EPS8: variants seen among roughly 807,000 people sequenced by gnomAD.
The protein encoded by EPS8 is epidermal growth factor receptor kinase substrate 8.
In EPS8, 42 loss-of-function variants were observed where a neutral mutation model predicts 103.8. That is an observed-to-expected ratio of 0.40 (90% CI 0.32 to 0.52). EPS8 has a LOEUF of 0.52. EPS8 is among the 20% of genes least tolerant of loss of function. The pLI is 0.40. For synonymous variants in EPS8, 344 were observed against 344.6 expected (o/e 1.00, Z 0.02); for missense variants, 969 against 1,005.1 (o/e 0.96, Z 0.49).
intron 1 of EPS8, among the ~76,000 whole-genome samples, chr12:15,750,625 T>A (rs1270609930): frequency 6.6e-6 from 1 of 152,214 alleles, no homozygotes; most frequent in African/African-American, 2.4e-5. Flanking sequence ...AGTGAACAAC[T>A]GCTCAACACC....
At chr12:15,630,498 G>A (rs999546869) in intron 18 of EPS8, among the ~76,000 whole-genome samples, 1 of 152,096 alleles carries the variant, frequency 6.6e-6, no homozygotes, top group Admixed American at 6.6e-5. Flanking sequence ...TGGTCATAGT[G>A]TCTTTTTAGT....
At chr12:15,768,298 C>G (rs1038633426) in intron 1 of EPS8, among the ~76,000 whole-genome samples, 2 of 151,338 alleles carry the variant, frequency 1.3e-5, no homozygotes, top group African/African-American at 4.9e-5. Context: ...ATTAGCCGGG[C>G]GTGGTGGCGG....
chr12:15,701,466 A>G lies in EPS8; in HGVS notation c.-21-18494T>C, dbSNP rs1946310535. On this transcript the variant is annotated intron_variant, in intron 1 of 20. Coordinates refer to ENST00000281172, the MANE Select transcript of EPS8 (RefSeq NM_004447.6). The surrounding 1 kb of genome is among the most constrained non-coding windows in gnomAD (Gnocchi z 5.1). ...TCCCCCTTTAGAATACTTGATAGTA[A>G]CTTAAACACACTTAAGCATACACAC... Among the ~76,000 whole-genome samples, 1 of 152,184 alleles carries G rather than the reference A, an allele frequency of 6.6e-6. No individual in the cohort carries two copies.
chr12:15,782,319 C>A lies in EPS8; in HGVS notation c.-22+6842G>T, dbSNP rs535489955. Among the ~76,000 whole-genome samples the A allele has an allele frequency of 3.6e-3, 554 of 152,046 alleles. 4 individuals carry two copies. The highest frequency in any genetic ancestry group is 6.7e-3 in the Non-Finnish European group (456 of 67,976). ...ACCATCCTGGACAACACAGAGAGATCCTGTCTCTGCAAAAAATAAAAATAA... is the reference window on the plus strand; with the variant it reads ...ACCATCCTGGACAACACAGAGAGATACTGTCTCTGCAAAAAATAAAAATAA... On this transcript the variant is annotated intron_variant, in intron 1 of 20. Transcript: ENST00000281172.
chr12:15,748,034 A>G lies in EPS8; in HGVS notation c.-22+41127T>C, dbSNP rs1006311112. 6.6e-6 allele frequency among the ~76,000 whole-genome samples: 1 copy of G among 151,912 alleles called. No homozygotes were observed. The highest frequency in any genetic ancestry group is 1.5e-5 in the Non-Finnish European group (1 of 68,028). On this transcript the variant is annotated intron_variant, in intron 1 of 20. Transcript: ENST00000281172. The surrounding 1 kb of genome is among the most constrained non-coding windows in gnomAD (Gnocchi z 4.8). ...GACTCCATCTCAAAATCAAAAACAA[A>G]AACAAAACAAAAAAAAGTAATGCCT...
intron 1 of EPS8, among the ~76,000 whole-genome samples, chr12:15,729,701 T>C (rs896558546): frequency 2.6e-5 from 4 of 152,224 alleles, no homozygotes; most frequent in African/African-American, 4.8e-5. Flanking sequence ...TTTAGAAGTG[T>C]GTTGTGTTAT....
intron 1 of EPS8, among the ~76,000 whole-genome samples, chr12:15,750,807 C>A (rs1001399035): frequency 1.3e-5 from 2 of 152,154 alleles, no homozygotes; most frequent in African/African-American, 4.8e-5. Flanking sequence ...TTTTTAAAGA[C>A]CATGTTTTAG....
chr12:15,737,800 A>C (rs895736690), intron 1 of EPS8, among the ~76,000 whole-genome samples: 1 of 152,122 alleles, frequency 6.6e-6, no homozygotes. Context: ...AAATATTATT[A>C]AATCTGTTTC....
intron 1 of EPS8, among the ~76,000 whole-genome samples, chr12:15,720,268 A>C (rs1288068680): frequency 6.6e-6 from 1 of 152,210 alleles, no homozygotes; most frequent in African/African-American, 2.4e-5. Flanking sequence ...AGTAATTCAA[A>C]TATTTCCCCC....
intron 17 of EPS8, chr12:15,634,699 T>G (rs529142149): frequency 2.5e-6 from 1 of 398,752 alleles, no homozygotes; most frequent in South Asian, 1.3e-4. Flanking sequence ...CAAAAAATTA[T>G]ATTAAAAAGA....
At chr12:15,783,731 A>AT (rs1382655769) in intron 1 of EPS8, among the ~76,000 whole-genome samples, 1 of 151,654 alleles carries the variant, frequency 6.6e-6, no homozygotes, top group Non-Finnish European at 1.5e-5. Context: ...AAAAAAAAAA[A>AT]AAAAGAGGAA....
At position 15,761,180 on chromosome 12, in the gene EPS8, C is replaced by T. The variant is rs1947037897; in HGVS notation, c.-22+27981G>A. Among the ~76,000 whole-genome samples, 1 of 151,890 alleles carries T rather than the reference C, an allele frequency of 6.6e-6. No homozygotes were observed. Among genetic ancestry groups the T allele is most frequent in the African/African-American group, 2.4e-5 (1 of 41,382 alleles). ...ATCTGAAAAAGAAAAAAAAAGTAAT[C>T]CCATTTACAACAGCCACACATAAAA... On this transcript the variant is annotated intron_variant, in intron 1 of 20. Transcript: ENST00000281172. The surrounding 1 kb of genome is among the most constrained non-coding windows in gnomAD (Gnocchi z 4.5).
intron 2 of EPS8, among the ~76,000 whole-genome samples, chr12:15,682,407 G>A (rs1008187882): frequency 3.9e-5 from 6 of 152,112 alleles, no homozygotes; most frequent in Non-Finnish European, 5.9e-5. Flanking sequence ...AATTAAGTCA[G>A]GGTTATGATT....
At chr12:15,663,944 A>AAAATAATAATAATAAT in intron 8 of EPS8, among the ~76,000 whole-genome samples, 1 of 85,974 alleles carries the variant, frequency 1.2e-5, no homozygotes, top group African/African-American at 4.5e-5. Flanking sequence ...AAAAAAAAAA[A>AAAATAATAATAATAAT]AATAATATAT....
chr12:15,728,435 G>A lies in EPS8; in HGVS notation c.-21-45463C>T, dbSNP rs751697980. On this transcript the variant is annotated intron_variant, in intron 1 of 20. Coordinates refer to ENST00000281172, the MANE Select transcript of EPS8 (RefSeq NM_004447.6). The surrounding 1 kb of genome is among the most constrained non-coding windows in gnomAD (Gnocchi z 4.5). The stretch of plus-strand genomic sequence containing the variant: ...GGCCCTTTTAAGAACACTGGATCCC[G>A]ACTCATGGAAGGGTCATCTGTTCCT... Among the ~76,000 whole-genome samples, 3 of 152,102 alleles carry A rather than the reference G, an allele frequency of 2.0e-5. No homozygotes were observed. Among genetic ancestry groups the A allele is most frequent in the Non-Finnish European group, 4.4e-5 (3 of 68,020 alleles).
chr12:15,729,602 C>T (rs1186249886), intron 1 of EPS8, among the ~76,000 whole-genome samples: 1 of 152,048 alleles, frequency 6.6e-6, no homozygotes, highest in East Asian at 1.9e-4. Flanking sequence ...TAGTTGTGTC[C>T]CACAAATTTT....
chr12:15,742,096 C>G (rs1591912682), intron 1 of EPS8, among the ~76,000 whole-genome samples: 1 of 152,230 alleles, frequency 6.6e-6, no homozygotes, highest in Non-Finnish European at 1.5e-5. Flanking sequence ...GCCACATTTT[C>G]TTAATCCAGT....
At position 15,734,680 on chromosome 12, in the gene EPS8, C is replaced by T. The variant is rs1353433100; in HGVS notation, c.-21-51708G>A. The stretch of plus-strand genomic sequence containing the variant: ...CTGTACTCCAGCCTGGGCGACAGAG[C>T]GAGACTCCGTACAGAGCGAGACTCT... On this transcript the variant is annotated intron_variant, in intron 1 of 20. Transcript: ENST00000281172. This position sits in a 1 kb window ranked among gnomAD's most constrained non-coding sequence, Gnocchi z 4.1. Among the ~76,000 whole-genome samples, 3 of 151,778 alleles carry T rather than the reference C, an allele frequency of 2.0e-5. No individual in the cohort carries two copies. The highest frequency in any genetic ancestry group is 4.4e-5 in the Non-Finnish European group (3 of 67,958).
rs903939020 is a variant in EPS8, at chr12:15,706,744, T to C, written c.-21-23772A>G. ...GTTCTTTATATTTTATGTTTTTTTTTACAACTTATCCAAAGATATTCTTCC... is the reference window on the plus strand; with the variant it reads ...GTTCTTTATATTTTATGTTTTTTTTCACAACTTATCCAAAGATATTCTTCC... On this transcript the variant is annotated intron_variant, in intron 1 of 20. Transcript: ENST00000281172. The surrounding 1 kb of genome is among the most constrained non-coding windows in gnomAD (Gnocchi z 5.2). 6.6e-6 allele frequency among the ~76,000 whole-genome samples: 1 copy of C among 152,228 alleles called. No individual in the cohort carries two copies. Among genetic ancestry groups the C allele is most frequent in the Non-Finnish European group, 1.5e-5 (1 of 68,038 alleles).
Sources: allele counts gnomAD v4.1 joint callset (sites outside exome capture counted in the v4.1 genomes callset), GRCh38; gene constraint gnomAD v4.1.1; non-coding constraint Gnocchi (gnomAD v3.1); transcripts MANE v1.5; gene names NCBI Gene and HGNC (gene_info 2026-07-23, HGNC 2026-07-21).